The following TMEM131L variants were observed in gnomAD, a reference collection of about 807,000 sequenced individuals.
TMEM131L encodes transmembrane 131 like.
TMEM131L carries 54 observed loss-of-function variants against 192.2 expected under a neutral mutation model. The observed-to-expected ratio is 0.28, with a 90% confidence interval of 0.23 to 0.35. The LOEUF is 0.35. Ranked by LOEUF, TMEM131L falls within the 10% of genes least tolerant of loss-of-function variation. The probability of loss-of-function intolerance (pLI) is 1.00; values close to 1 mark genes in which losing one functional copy is unlikely to be tolerated. For missense variants in TMEM131L, 1,888 were observed against 1,972.9 expected, an observed-to-expected ratio of 0.96 and a Z score of 0.82; for synonymous variants, 701 against 704.9, an observed-to-expected ratio of 0.99 and a Z score of 0.09.
chr4:153,517,480 C>G (rs527536042), intron 3 of TMEM131L, among the ~76,000 whole-genome samples: 35 of 150,654 alleles, frequency 2.3e-4, no homozygotes, highest in Admixed American at 6.6e-4. Context: ...ATTTTTTTTT[C>G]CTTTAAAATA....
intron 23 of TMEM131L, 28 bp downstream of exon 23, chr4:153,602,755 C>G (rs1425126355): frequency 6.2e-7 from 1 of 1,606,238 alleles, no homozygotes; most frequent in East Asian, 2.2e-5. Flanking sequence ...CCCTTGTTCT[C>G]TCACTGAGTA....
chr4:153,549,210 G>T (rs190042860), intron 3 of TMEM131L, among the ~76,000 whole-genome samples: 7 of 152,214 alleles, frequency 4.6e-5, no homozygotes, highest in Admixed American at 4.6e-4. Context: ...CAAGTGATCT[G>T]CCTGCCTTGG....
chr4:153,558,980 G>C (rs1035590239), intron 7 of TMEM131L, among the ~76,000 whole-genome samples: 3 of 152,112 alleles, frequency 2.0e-5, no homozygotes, highest in African/African-American at 7.2e-5. Flanking sequence ...CCTTGTAACT[G>C]GATAATTTTA....
intron 25 of TMEM131L, among the ~76,000 whole-genome samples, chr4:153,609,048 C>T (rs570952124): frequency 3.2e-4 from 49 of 152,184 alleles, no homozygotes; most frequent in African/African-American, 1.2e-3. Context: ...GTGGTACACT[C>T]TTACTCAGTG....
intron 3 of TMEM131L, among the ~76,000 whole-genome samples, chr4:153,495,511 A>G (rs1268552196): frequency 1.3e-5 from 2 of 152,142 alleles, no homozygotes; most frequent in Non-Finnish European, 2.9e-5. Context: ...TGGGTAAGAG[A>G]GAAAAGGTTG....
intron 3 of TMEM131L, among the ~76,000 whole-genome samples, chr4:153,512,304 A>G (rs936614681): frequency 2.0e-5 from 3 of 152,208 alleles, no homozygotes; most frequent in African/African-American, 4.8e-5. Context: ...GAAAGAGTCT[A>G]TAGTTTCTCC....
intron 3 of TMEM131L, among the ~76,000 whole-genome samples, chr4:153,523,882 C>A (rs147160587): frequency 2.6e-5 from 4 of 152,156 alleles, no homozygotes; most frequent in African/African-American, 9.7e-5. Flanking sequence ...GGGTGATACC[C>A]AAGGTTTTAC....
At chr4:153,523,294 G>T (rs1375474560) in intron 3 of TMEM131L, among the ~76,000 whole-genome samples, 1 of 152,194 alleles carries the variant, frequency 6.6e-6, no homozygotes, top group African/African-American at 2.4e-5. Flanking sequence ...TGAAACGTAT[G>T]AATTTCCTAG....
rs1259747354 is a variant in TMEM131L at position 153,623,284 on chromosome 4, CATT to C, written c.4045+202_4045+204del. On this transcript the variant is annotated intron_variant, in intron 29 of 34. Coordinates refer to ENST00000409959, the MANE Select transcript of TMEM131L (RefSeq NM_001131007.2). The stretch of plus-strand genomic sequence containing the variant: ...CCTCCATCCTTGTCATAATCATCAT[CATT>C]GTTTGTTAGTGTCTGTCTTGGAAAT... Among the ~76,000 whole-genome samples the C allele has an allele frequency of 5.3e-5, 8 of 152,232 alleles. No homozygotes were observed. The East Asian group carries it at 1.2e-3, about 22-fold the overall frequency.
At chr4:153,556,009 C>A in intron 5 of TMEM131L, 99 bp downstream of exon 5, 2 of 1,215,940 alleles carry the variant, frequency 1.6e-6, no homozygotes, top group Non-Finnish European at 1.1e-6. Context: ...CCCTGTCTCC[C>A]GCTTTTTCTG....
chr4:153,493,025 A>G (rs1341526980), intron 3 of TMEM131L, among the ~76,000 whole-genome samples: 1 of 152,106 alleles, frequency 6.6e-6, no homozygotes, highest in Non-Finnish European at 1.5e-5. Flanking sequence ...GTCTAACCTC[A>G]AGGTAGGGTA....
At chr4:153,620,527 TC>T (rs1733315019) in intron 26 of TMEM131L, among the ~76,000 whole-genome samples, 1 of 152,232 alleles carries the variant, frequency 6.6e-6, no homozygotes, top group Non-Finnish European at 1.5e-5. Context: ...CTTTTTAGCC[TC>T]TTAGGAATTT....
At chr4:153,543,483 A>C (rs781344524) in intron 3 of TMEM131L, among the ~76,000 whole-genome samples, 1 of 152,192 alleles carries the variant, frequency 6.6e-6, no homozygotes, top group South Asian at 2.1e-4. Flanking sequence ...AAGGCCCTAA[A>C]GGTCAGTGCC....
At position 153,548,321 on chromosome 4, in the gene TMEM131L, G is replaced by A. The variant is rs1737347083; in HGVS notation, c.240-1752G>A. On this transcript the variant is annotated intron_variant, in intron 3 of 34. Transcript: ENST00000409959. ...TTTTAATTTCTTTTTATTTTTTTGA[G>A]ACGGAGTCTCGCTCTGTCGCCAAGG... 2.6e-5 allele frequency among the ~76,000 whole-genome samples: 4 copies of A among 152,230 alleles called. No homozygotes were observed. In the South Asian group the frequency reaches 8.3e-4, roughly 32 times the overall value.
chr4:153,618,067 T>C (rs1009492496), intron 26 of TMEM131L, among the ~76,000 whole-genome samples: 6 of 152,210 alleles, frequency 3.9e-5, no homozygotes, highest in African/African-American at 9.6e-5. Context: ...ATTTTACTTA[T>C]ACACAGTGAG....
chr4:153,518,345 T>C (rs921975030), intron 3 of TMEM131L, among the ~76,000 whole-genome samples: 3 of 152,168 alleles, frequency 2.0e-5, no homozygotes, highest in Non-Finnish European at 4.4e-5. Flanking sequence ...TAGAAAGCTG[T>C]GTCCACCAGG....
At chr4:153,545,207 T>C (rs992088007) in intron 3 of TMEM131L, among the ~76,000 whole-genome samples, 4 of 152,146 alleles carry the variant, frequency 2.6e-5, no homozygotes, top group African/African-American at 9.7e-5. Context: ...CTGTGTCACA[T>C]TGGCGTTCAC....
chr4:153,545,966 T>C (rs1340549366), intron 3 of TMEM131L, among the ~76,000 whole-genome samples: 1 of 152,104 alleles, frequency 6.6e-6, no homozygotes, highest in African/African-American at 2.4e-5. Flanking sequence ...TCCCTGCAGC[T>C]TTGAACTCCT....
chr4:153,620,937 C>T lies in TMEM131L; in HGVS notation c.3692+57C>T, dbSNP rs1733354028. 4 of 1,411,320 alleles carry T rather than the reference C, an allele frequency of 2.8e-6. No individual in the cohort carries two copies. In the Admixed American group the frequency reaches 7.6e-5, roughly 27 times the overall value. The allele number at this position is 1,411,320 out of a possible 1,614,324, so 87.4% of individuals were successfully genotyped here. Reference sequence around the variant, plus strand: ...ATCTATTTTTCACTTTATAATTTTGCATTTGGCTATTCACTTTTAAACTTA... The same window carrying T: ...ATCTATTTTTCACTTTATAATTTTGTATTTGGCTATTCACTTTTAAACTTA... On this transcript the variant is annotated intron_variant, in intron 27 of 34. Coordinates refer to ENST00000409959, the MANE Select transcript of TMEM131L (RefSeq NM_001131007.2).
Sources: allele counts gnomAD v4.1 joint callset (sites outside exome capture counted in the v4.1 genomes callset), GRCh38; gene constraint gnomAD v4.1.1; transcripts MANE v1.5; gene names NCBI Gene and HGNC (gene_info 2026-07-23, HGNC 2026-07-21).